Variants in RB1CC1 observed in about 807,000 individuals in gnomAD.
The protein encoded by RB1CC1 is RB1-inducible coiled-coil protein 1.
RB1CC1 carries 46 observed loss-of-function variants against 177.5 expected under a neutral mutation model. That is an observed-to-expected ratio of 0.26 (90% CI 0.20 to 0.33). RB1CC1 has a LOEUF of 0.33. Among genes scored for constraint, RB1CC1 ranks in the 10% least tolerant of loss-of-function variants. The pLI, the probability that RB1CC1 is intolerant of heterozygous loss-of-function variation, is 1.00. For synonymous variants in RB1CC1, 666 were observed against 613.6 expected (o/e 1.09, Z -1.26); for missense variants, 1,703 against 1,816.3 (o/e 0.94, Z 1.13).
chr8:52,710,623 T>G (rs1159339025), intron 1 of RB1CC1, among the ~76,000 whole-genome samples: 1 of 152,190 alleles, frequency 6.6e-6, no homozygotes, highest in Non-Finnish European at 1.5e-5. Flanking sequence ...CTATCGTTTA[T>G]AAAAACTACA....
At chr8:52,657,949 C>T (rs750815454) in intron 14 of RB1CC1, 41 bp from the exon 15 acceptor site, 1 of 1,612,632 alleles carries the variant, frequency 6.2e-7, no homozygotes, top group East Asian at 2.2e-5. Flanking sequence ...TGCAGGAACA[C>T]AAACATTTTA....
At position 52,640,732 on chromosome 8, in the gene RB1CC1, ATAACCATGTTTTCTTGATTTGCT is replaced by A. The variant is rs553463340; in HGVS notation, c.4337+1596_4337+1618del. Reference sequence around the variant, plus strand: ...TATTTATGTCATTCATGTTTGCTAAATAACCATGTTTTCTTGATTTGCTTAACCATGTTTTCTTGATTTGCTTT... The same window carrying A: ...TATTTATGTCATTCATGTTTGCTAAATAACCATGTTTTCTTGATTTGCTTT... On this transcript the variant is annotated intron_variant, in intron 18 of 23. Transcript: ENST00000025008. Among the ~76,000 whole-genome samples, 178 of 152,260 alleles carry A rather than the reference ATAACCATGTTTTCTTGATTTGCT, an allele frequency of 1.2e-3. 3 individuals are homozygous for A. The highest frequency in any genetic ancestry group is 3.7e-3 in the African/African-American group (155 of 41,552).
intron 21 of RB1CC1, among the ~76,000 whole-genome samples, chr8:52,629,574 A>C (rs190258558): frequency 1.3e-5 from 2 of 152,180 alleles, no homozygotes; most frequent in East Asian, 3.9e-4. Flanking sequence ...TTGCCTCATC[A>C]TGTCCTCTTC....
At chr8:52,668,671 C>T (rs1280131237) in intron 7 of RB1CC1, among the ~76,000 whole-genome samples, 4 of 152,136 alleles carry the variant, frequency 2.6e-5, no homozygotes, top group Non-Finnish European at 4.4e-5. Flanking sequence ...TCTCCTGTTC[C>T]CTGGCTCTAA....
At chr8:52,700,698 G>A (rs1855973173) in intron 1 of RB1CC1, among the ~76,000 whole-genome samples, 1 of 152,112 alleles carries the variant, frequency 6.6e-6, no homozygotes. Flanking sequence ...TCCATGGCAA[G>A]GCATAAACAC....
intron 19 of RB1CC1, among the ~76,000 whole-genome samples, chr8:52,635,444 A>AAGAT (rs1849063908): frequency 6.6e-6 from 1 of 152,176 alleles, no homozygotes; most frequent in African/African-American, 2.4e-5. Flanking sequence ...AAAAAAAGGC[A>AAGAT]TTGTTGAAAA....
chr8:52,700,257 T>C (rs1215073718), intron 1 of RB1CC1, among the ~76,000 whole-genome samples: 1 of 152,054 alleles, frequency 6.6e-6, no homozygotes, highest in Non-Finnish European at 1.5e-5. Context: ...ATCAGCAACA[T>C]GCTGGGTGCA....
chr8:52,676,782 C>CA (rs1408536636), intron 5 of RB1CC1, among the ~76,000 whole-genome samples: 1 of 152,164 alleles, frequency 6.6e-6, no homozygotes, highest in East Asian at 1.9e-4. Flanking sequence ...TCCTAAGAGA[C>CA]AGTCAAAAGA....
chr8:52,673,333 G>A (rs1852777644), intron 7 of RB1CC1, among the ~76,000 whole-genome samples: 1 of 152,260 alleles, frequency 6.6e-6, no homozygotes, highest in South Asian at 2.1e-4. Context: ...CAGGTGTGCT[G>A]GAGAAGACCT....
rs754531969 is a variant in RB1CC1, at chr8:52,657,980, T to A, written c.1920+18A>T. ...TTTTACACTAATGAAGAAAACTGTT[T>A]GAAAGAATTGAATTTGCCTTTTGTT... On this transcript the variant is annotated intron_variant, in intron 14 of 23. Coordinates refer to ENST00000025008, the MANE Select transcript of RB1CC1 (RefSeq NM_014781.5). 10 of 1,613,416 alleles carry A rather than the reference T, an allele frequency of 6.2e-6. No homozygotes were observed. In the African/African-American group the frequency reaches 1.3e-4, roughly 22 times the overall value.
intron 15 of RB1CC1, among the ~76,000 whole-genome samples, chr8:52,654,618 A>G (rs1390924382): frequency 1.3e-5 from 2 of 152,148 alleles, no homozygotes; most frequent in African/African-American, 4.8e-5. Context: ...TGAGCTTGAA[A>G]AGGGCTCTCC....
intron 11 of RB1CC1, 133 bp from the exon 12 acceptor site, chr8:52,660,790 A>AACCATGAC: frequency 9.2e-7 from 1 of 1,087,170 alleles, no homozygotes; most frequent in Middle Eastern, 3.0e-4. Context: ...ATTCAATTCT[A>AACCATGAC]TACACTTTAA....
rs1403496390 is a variant in RB1CC1, at chr8:52,687,713, G to A, written c.-166-746C>T. Among the ~76,000 whole-genome samples, 3 of 152,166 alleles carry A rather than the reference G, an allele frequency of 2.0e-5. No homozygotes were observed. In the East Asian group the frequency reaches 5.8e-4, roughly 29 times the overall value. ...CATAAGCAGATCCTTTCCTAGTTGAGCCTCAGAGAAGACCTCAGCCCTGGC... is the reference window on the plus strand; with the variant it reads ...CATAAGCAGATCCTTTCCTAGTTGAACCTCAGAGAAGACCTCAGCCCTGGC... On this transcript the variant is annotated intron_variant, in intron 1 of 23. Coordinates refer to ENST00000025008, the MANE Select transcript of RB1CC1 (RefSeq NM_014781.5).
At chr8:52,699,830 AATATAT>A (rs1211106554) in intron 1 of RB1CC1, among the ~76,000 whole-genome samples, 324 of 26,724 alleles carry the variant, frequency 0.012, 5 homozygotes, top group Middle Eastern at 0.11. Flanking sequence ...AAAAAAAAAA[AATATAT>A]ATATATATAT....
chr8:52,693,525 T>G (rs1211089822), intron 1 of RB1CC1, among the ~76,000 whole-genome samples: 2 of 152,176 alleles, frequency 1.3e-5, no homozygotes, highest in Admixed American at 6.5e-5. Context: ...ATATATCATC[T>G]TACACCAGTC....
chr8:52,694,547 C>T (rs1016901112), intron 1 of RB1CC1, among the ~76,000 whole-genome samples: 3 of 152,122 alleles, frequency 2.0e-5, no homozygotes, highest in African/African-American at 7.2e-5. Context: ...GAGAGTAAAG[C>T]CTAAAATACT....
At chr8:52,701,514 G>A (rs1289187004) in intron 1 of RB1CC1, among the ~76,000 whole-genome samples, 1 of 152,108 alleles carries the variant, frequency 6.6e-6, no homozygotes, top group African/African-American at 2.4e-5. Context: ...AAAACAAGAG[G>A]ATACTGACCT....
rs755389097 is a variant in RB1CC1 at position 52,624,700 on chromosome 8, C to T, written c.4707+17G>A. The stretch of plus-strand genomic sequence containing the variant: ...TTTACAGTTCCCAGGCTTAGTATCA[C>T]ATGATGTCGTTTTTACCTTTTTGGC... On this transcript the variant is annotated intron_variant, in intron 23 of 23. Coordinates refer to ENST00000025008, the MANE Select transcript of RB1CC1 (RefSeq NM_014781.5). 15 of 1,555,950 alleles carry T rather than the reference C, an allele frequency of 9.6e-6. No homozygotes were observed. The highest frequency in any genetic ancestry group is 1.4e-5 in the African/African-American group (1 of 73,312).
At chr8:52,657,959 A>T in intron 14 of RB1CC1, 39 bp downstream of exon 14, 2 of 1,613,262 alleles carry the variant, frequency 1.2e-6, no homozygotes, top group Non-Finnish European at 1.7e-6. Context: ...CAAACATTTT[A>T]CACTAATGAA....
Sources: gnomAD v4.1 joint callset for allele counts (sites outside exome capture counted in the v4.1 genomes callset) on GRCh38, gnomAD v4.1.1 for gene constraint, MANE v1.5 for transcripts, NCBI Gene and HGNC (gene_info 2026-07-23, HGNC 2026-07-21) for gene names.